Variants in SEMA3A observed in about 807,000 individuals in gnomAD.
SEMA3A encodes the protein semaphorin-3A.
A neutral mutation model predicts 97.9 loss-of-function variants in SEMA3A; 29 were observed. The observed-to-expected ratio is 0.30, with a 90% CI of 0.22 to 0.40. SEMA3A has a LOEUF of 0.40. Ranked by LOEUF, SEMA3A falls within the 10% of genes least tolerant of loss-of-function variation. The pLI is 1.00. For missense variants in SEMA3A, 763 were observed against 951.3 expected (o/e 0.80, Z 2.60); for synonymous variants, 321 against 323.7 (o/e 0.99, Z 0.09).
chr7:84,249,387 C>CTATCTATCTATCTATCTATA (rs1562871192), intron 3 of SEMA3A, among the ~76,000 whole-genome samples: 12 of 151,552 alleles, frequency 7.9e-5, no homozygotes, highest in African/African-American at 2.9e-4. Flanking sequence ...ATCTATCTAT[C>CTATCTATCTATCTATCTATA]TATCTATCTA....
intron 1 of SEMA3A, among the ~76,000 whole-genome samples, chr7:84,423,752 C>T (rs540435419): frequency 3.0e-4 from 45 of 152,008 alleles, no homozygotes; most frequent in African/African-American, 8.0e-4. Context: ...GCCAACTATA[C>T]ATCCAACGAA....
intron 1 of SEMA3A, among the ~76,000 whole-genome samples, chr7:84,439,991 G>A (rs1223277511): frequency 6.6e-6 from 1 of 152,128 alleles, no homozygotes; most frequent in Non-Finnish European, 1.5e-5. Flanking sequence ...CACTATACTT[G>A]ATAAGGTGAT....
At chr7:84,023,806 C>G (rs1052425837) in intron 6 of SEMA3A, among the ~76,000 whole-genome samples, 1 of 151,602 alleles carries the variant, frequency 6.6e-6, no homozygotes, top group Non-Finnish European at 1.5e-5. Flanking sequence ...GTCAGGAGAT[C>G]GAGACCATCC....
chr7:84,090,428 T>C (rs1469123131), intron 4 of SEMA3A, among the ~76,000 whole-genome samples: 3 of 149,656 alleles, frequency 2.0e-5, no homozygotes, highest in African/African-American at 7.6e-5. Flanking sequence ...AGACGATTTG[T>C]CTAAAACTGT....
At chr7:84,306,135 A>G (rs1267130624) in intron 3 of SEMA3A, among the ~76,000 whole-genome samples, 1 of 151,824 alleles carries the variant, frequency 6.6e-6, no homozygotes, top group African/African-American at 2.4e-5. Flanking sequence ...ATACTTCTTA[A>G]ATCAGTAAAT....
At chr7:84,416,786 T>A (rs1195558550) in intron 1 of SEMA3A, among the ~76,000 whole-genome samples, 1 of 152,156 alleles carries the variant, frequency 6.6e-6, no homozygotes, top group South Asian at 2.1e-4. Context: ...TGTTCTCAAG[T>A]GTTCTCACTT....
intron 5 of SEMA3A, among the ~76,000 whole-genome samples, chr7:84,049,690 A>G (rs1792516535): frequency 6.6e-6 from 1 of 151,564 alleles, no homozygotes; most frequent in South Asian, 2.1e-4. Flanking sequence ...ATCAAATTAT[A>G]TGTTGATTCT....
intron 5 of SEMA3A, among the ~76,000 whole-genome samples, chr7:84,051,274 G>C (rs1267242759): frequency 2.0e-5 from 3 of 151,980 alleles, no homozygotes; most frequent in Non-Finnish European, 4.4e-5. Context: ...GATGGGGATG[G>C]CATTGAATCT....
chr7:84,145,747 C>T (rs1394006943), intron 1 of SEMA3A, among the ~76,000 whole-genome samples: 2 of 152,118 alleles, frequency 1.3e-5, no homozygotes, highest in Admixed American at 6.5e-5. Flanking sequence ...AGTGAAGTAA[C>T]TTGTTCTTTA....
chr7:84,394,344 C>T (rs1803669734), intron 1 of SEMA3A, among the ~76,000 whole-genome samples: 2 of 142,120 alleles, frequency 1.4e-5, no homozygotes, highest in South Asian at 2.2e-4. Context: ...TCAGTGCACA[C>T]CATATGATTT....
intron 1 of SEMA3A, among the ~76,000 whole-genome samples, chr7:84,415,569 G>C (rs1804410641): frequency 6.6e-6 from 1 of 152,054 alleles, no homozygotes; most frequent in Non-Finnish European, 1.5e-5. Context: ...AAGGCAGAAA[G>C]TAAATTTGGC....
chr7:84,328,792 G>A (rs1272433024), intron 2 of SEMA3A, among the ~76,000 whole-genome samples: 2 of 151,932 alleles, frequency 1.3e-5, no homozygotes, highest in Non-Finnish European at 2.9e-5. Context: ...CAGCAGAAAA[G>A]GAGTTCAAAT....
chr7:84,244,902 T>G (rs1347951154), intron 3 of SEMA3A, among the ~76,000 whole-genome samples: 1 of 152,166 alleles, frequency 6.6e-6, no homozygotes, highest in Non-Finnish European at 1.5e-5. Flanking sequence ...TTCAAGAATG[T>G]TGAATATTGG....
intron 3 of SEMA3A, among the ~76,000 whole-genome samples, chr7:84,218,432 T>G (rs892314956): frequency 1.3e-5 from 2 of 152,132 alleles, no homozygotes; most frequent in African/African-American, 4.8e-5. Context: ...TCGGATAGAT[T>G]AAGGATTATT....
intron 3 of SEMA3A, among the ~76,000 whole-genome samples, chr7:84,112,950 T>C (rs2372031): frequency 0.49 from 74,244 of 152,042 alleles, 19,332 homozygotes; most frequent in East Asian, 0.71. Context: ...GCAACTAGAC[T>C]CACCCTATTG....
intron 3 of SEMA3A, among the ~76,000 whole-genome samples, chr7:84,233,188 AC>A (rs1799154492): frequency 6.6e-6 from 1 of 151,992 alleles, no homozygotes; most frequent in African/African-American, 2.4e-5. Context: ...TGTAGTTAAT[AC>A]ATTCATTGGT....
intron 1 of SEMA3A, among the ~76,000 whole-genome samples, chr7:84,152,976 G>A (rs1475559994): frequency 6.6e-6 from 1 of 151,742 alleles, no homozygotes; most frequent in Non-Finnish European, 1.5e-5. Flanking sequence ...AAGTACTCAA[G>A]GTGGAAAAAT....
At chr7:84,091,788 T>A (rs756853166) in intron 4 of SEMA3A, among the ~76,000 whole-genome samples, 30 of 152,238 alleles carry the variant, frequency 2.0e-4, no homozygotes, top group Non-Finnish European at 4.0e-4. Flanking sequence ...TAACCGTGAG[T>A]GAAGAGTTTA....
At chr7:84,292,295 G>A (rs140657401) in intron 3 of SEMA3A, among the ~76,000 whole-genome samples, 2 of 152,136 alleles carry the variant, frequency 1.3e-5, no homozygotes, top group African/African-American at 4.8e-5. Flanking sequence ...TAAGGAAAAT[G>A]AGAAGGTAGA....
Sources: gnomAD v4.1 joint callset for allele counts (sites outside exome capture counted in the v4.1 genomes callset) on GRCh38, gnomAD v4.1.1 for gene constraint, MANE v1.5 for transcripts, NCBI Gene and HGNC (gene_info 2026-07-23, HGNC 2026-07-21) for gene names.